OAS3: variants seen among roughly 807,000 people sequenced by gnomAD.
The protein encoded by OAS3 is 2'-5'-oligoadenylate synthetase 3.
In OAS3, 107 loss-of-function variants were observed where a neutral mutation model predicts 113.0. The ratio of observed to expected loss-of-function variants is 0.95; its 90% CI spans 0.81 to 1.11. The LOEUF is 1.11. Ranked by LOEUF, OAS3 falls within the 50% of genes most tolerant of loss-of-function variation. The pLI, the probability that OAS3 is intolerant of heterozygous loss-of-function variation, is 0.00. For synonymous variants in OAS3, 552 were observed against 573.6 expected, an observed-to-expected ratio of 0.96 and a Z score of 0.54; for missense variants, 1,258 against 1,389.1, an observed-to-expected ratio of 0.91 and a Z score of 1.50.
At chr12:112,940,852 A>T (rs2136342329) in intron 1 of OAS3, among the ~76,000 whole-genome samples, 1 of 152,132 alleles carries the variant, frequency 6.6e-6, no homozygotes, top group South Asian at 2.1e-4. Context: ...AAAATACAAA[A>T]ATTAGCCAGG....
chr12:112,950,447 C>G, intron 6 of OAS3: 1 of 535,732 alleles, frequency 1.9e-6, no homozygotes, highest in Non-Finnish European at 3.3e-6. Context: ...TCTGTTGCTG[C>G]AGTTTGGTCT....
At chr12:112,957,836 G>A (rs1006445916) in intron 7 of OAS3, among the ~76,000 whole-genome samples, 4 of 152,172 alleles carry the variant, frequency 2.6e-5, no homozygotes, top group Non-Finnish European at 5.9e-5. Flanking sequence ...TTCTCGAGGA[G>A]TATCTTTGTG....
intron 7 of OAS3, among the ~76,000 whole-genome samples, chr12:112,959,080 A>G (rs540704508): frequency 5.9e-5 from 9 of 152,298 alleles, no homozygotes; most frequent in African/African-American, 2.2e-4. Context: ...TCTGCCTTGC[A>G]GTTCAATCTC....
rs1250039158 is a variant in OAS3, at chr12:112,949,010, G to A, written c.1179G>A (p.Gly393=). The change falls in exon 6 of 16, where the codon GGG becomes GGA. Residue 393 remains glycine, a synonymous_variant. Transcript: ENST00000228928. ...CATGCCCAGCTCCTGGCCCCACTGGGGCAGCCAGCATCGTCCCCTCTGTGC... is the reference window on the plus strand; with the variant it reads ...CATGCCCAGCTCCTGGCCCCACTGGAGCAGCCAGCATCGTCCCCTCTGTGC... The part of the protein sequence containing the change: ...PPSCPAPGPT[G]AASIVPSVPG... 1 of 1,613,996 alleles carries A rather than the reference G, an allele frequency of 6.2e-7. No individual in the cohort carries two copies. Among genetic ancestry groups the A allele is most frequent in the South Asian group, 1.1e-5 (1 of 91,078 alleles).
In OAS3 at chr12:112,964,375, G is replaced by C. The variant is rs772934048; in HGVS notation, c.2370G>C (p.Arg790=). ...ICSFLKENCF[R]NSPIKVIKVV... ...CATTTTTGAAGGAAAACTGCTTCCG[G>C]AATTCTCCCATCAAAGTGATCAAGG... The change falls in exon 11 of 16, where the codon CGG becomes CGC. Residue 790 remains arginine (R), a synonymous_variant. Coordinates refer to ENST00000228928, the MANE Select transcript of OAS3 (RefSeq NM_006187.4). The C allele has an allele frequency of 3.7e-5, 59 of 1,612,410 alleles. No individual in the cohort carries two copies. The South Asian group carries it at 6.4e-4, about 18-fold the overall frequency.
intron 3 of OAS3, chr12:112,944,892 T>C: frequency 1.9e-6 from 1 of 536,760 alleles, no homozygotes; most frequent in Non-Finnish European, 3.3e-6. Flanking sequence ...CTTCCAATAG[T>C]CTTCCAGTCT....
In OAS3 at chr12:112,946,978, C is replaced by G. The variant is rs1367063173; in HGVS notation, c.872C>G (p.Pro291Arg). Residue 291 changes from proline to arginine, a missense_variant, in exon 4 of 16, where the codon CCC becomes CGC. Coordinates refer to ENST00000228928, the MANE Select transcript of OAS3 (RefSeq NM_006187.4). The part of the protein sequence containing the change: ...GQFLQRQLKR[P>R]RPVILDPADP... ...TTCTTGCAGCGGCAGCTTAAGAGAC[C>G]CAGGTACTTCCTAATAGCCCACCAT... is the stretch of plus-strand genomic sequence containing the variant. 6.2e-7 allele frequency: 1 copy of G among 1,612,964 alleles called. No homozygotes were observed. The highest frequency in any genetic ancestry group is 2.2e-5 in the East Asian group (1 of 44,880).
At position 112,968,116 on chromosome 12, in the gene OAS3, T is replaced by C. The variant is rs761459939; in HGVS notation, c.3046T>C (p.Tyr1016His). The change falls in exon 14 of 16, where the codon TAC becomes CAC. Residue 1016 changes from tyrosine (Y) to histidine (H), a missense_variant. Physicochemically the swap from Tyr to His is moderately conservative, Grantham distance 83. Coordinates refer to ENST00000228928, the MANE Select transcript of OAS3 (RefSeq NM_006187.4). ...RQLCIYWTIN[Y>H]NAKDKTVGDF... ...GCTCTGTATCTACTGGACCATCAAC[T>C]ACAACGCCAAGGACAAGACTGTTGG... The C allele has an allele frequency of 6.2e-7, 1 of 1,613,918 alleles. No individual in the cohort carries two copies. The highest frequency in any genetic ancestry group is 8.5e-7 in the Non-Finnish European group (1 of 1,179,864).
rs1490863409 is a variant in OAS3 at position 112,972,017 on chromosome 12, G to A, written c.*2044G>A. 6.6e-6 allele frequency: 1 copy of A among 152,252 alleles called. No individual in the cohort carries two copies. Among genetic ancestry groups the A allele is most frequent in the African/African-American group, 2.4e-5 (1 of 41,458 alleles). 9.4% of individuals were successfully genotyped at this position (152,252 alleles called of 1,614,324 possible). A position where few individuals can be genotyped will look rare whatever the true frequency, so the allele number is the denominator to read the frequency against. On this transcript the variant is annotated 3_prime_UTR_variant, in exon 16 of 16. Transcript: ENST00000228928. ...CCACACACATATCCAAGAGCTCAGG[G>A]CCAGTTCTGGTGGGCAGCAGAGACC...
chr12:112,959,186 C>A lies in OAS3; in HGVS notation c.1658-1885C>A, dbSNP rs559697132. Among the ~76,000 whole-genome samples, 40 of 152,302 alleles carry A rather than the reference C, an allele frequency of 2.6e-4. No individual in the cohort carries two copies. The East Asian group carries it at 6.0e-3, about 23-fold the overall frequency. The stretch of plus-strand genomic sequence containing the variant: ...CTCCTGGTGTGCCGTTTGCTAAGAC[C>A]ATTGGAAAAGCACAGTATTAGGGTG... On this transcript the variant is annotated intron_variant, in intron 7 of 15. Coordinates refer to ENST00000228928, the MANE Select transcript of OAS3 (RefSeq NM_006187.4).
chr12:112,947,990 A>T lies in OAS3; in HGVS notation c.920A>T (p.Asn307Ile). 6.2e-7 allele frequency: 1 copy of T among 1,604,286 alleles called. No individual in the cohort carries two copies. The highest frequency in any genetic ancestry group is 8.5e-7 in the Non-Finnish European group (1 of 1,175,594). ...GCTGACCCCACATGGGACCTGGGGA[A>T]TGGGGCAGCCTGGCACTGGGATTTG... ...DPADPTWDLG[N>I]GAAWHWDLLA... The change falls in exon 5 of 16, where the codon AAT becomes ATT. Residue 307 changes from asparagine to isoleucine, a missense_variant. By Grantham distance (149) the Asn-to-Ile change is moderately radical. Coordinates refer to ENST00000228928, the MANE Select transcript of OAS3 (RefSeq NM_006187.4).
chr12:112,966,099 G>C, intron 12 of OAS3, 70 bp downstream of exon 12: 1 of 1,516,054 alleles, frequency 6.6e-7, no homozygotes. Context: ...AGTTGTAGAG[G>C]TTGCACAGTA....
chr12:112,952,619 T>C (rs1406398437), intron 7 of OAS3, among the ~76,000 whole-genome samples: 1 of 152,204 alleles, frequency 6.6e-6, no homozygotes. Context: ...TGATTTCCTG[T>C]TCTTCCTTCT....
chr12:112,949,311 G>A (rs1032895969), intron 6 of OAS3, 106 bp downstream of exon 6: 36 of 853,206 alleles, frequency 4.2e-5, no homozygotes, highest in East Asian at 7.7e-5. Context: ...GGAACTGGAC[G>A]GCCCAGGAAG....
intron 14 of OAS3, 41 bp from the exon 15 acceptor site, chr12:112,969,567 A>T: frequency 6.4e-7 from 1 of 1,573,812 alleles, no homozygotes; most frequent in Non-Finnish European, 8.6e-7. Context: ...GGACACCTAG[A>T]TGTTGCCAGG....
chr12:112,966,024 C>T lies in OAS3; in HGVS notation c.2684C>T (p.Ala895Val), dbSNP rs369662098. ...TTTGATGTGCTGCCAGCCTTTGACG[C>T]CCTAGGTGAGGTGCCCTGGCGTAGA... ...VDFDVLPAFD[A>V]LGQLVSGSRP... Residue 895 changes from alanine to valine, a missense_variant, in exon 12 of 16, where the codon GCC becomes GTC. Ala to Val is a moderately conservative substitution (Grantham distance 64). Transcript: ENST00000228928. 1.2e-6 allele frequency: 2 copies of T among 1,613,748 alleles called. No homozygotes were observed. Among genetic ancestry groups the T allele is most frequent in the Non-Finnish European group, 1.7e-6 (2 of 1,179,760 alleles).
At position 112,971,121 on chromosome 12, in the gene OAS3, C is replaced by A; in HGVS notation, c.*1148C>A. On this transcript the variant is annotated 3_prime_UTR_variant, in exon 16 of 16. Transcript: ENST00000228928. ...CAGAAAGCACTCTAGGAATCTTAGG[C>A]AGAAAGGGATTTTATCTAAATCACT... 6.6e-6 allele frequency: 1 copy of A among 152,542 alleles called. No individual in the cohort carries two copies. The highest frequency in any genetic ancestry group is 1.5e-5 in the Non-Finnish European group (1 of 68,240). 9.4% of individuals were successfully genotyped at this position (152,542 alleles called of 1,614,324 possible).
Position 112,956,494 on chromosome 12 carries a change from A to G in OAS3, c.1658-4577A>G, listed in dbSNP as rs189740995. 2.6e-3 allele frequency among the ~76,000 whole-genome samples: 396 copies of G among 152,278 alleles called. 1 individual carries two copies. Among genetic ancestry groups the G allele is most frequent in the African/African-American group, 8.9e-3 (369 of 41,554 alleles). On this transcript the variant is annotated intron_variant, in intron 7 of 15. Transcript: ENST00000228928. ...CATTTAATGCTATAAATTTCCCTCT[A>G]CACACTGCTTTAAATGTGTCCCAGA...
intron 12 of OAS3, among the ~76,000 whole-genome samples, chr12:112,966,664 C>T (rs2043936732): frequency 6.6e-6 from 1 of 152,026 alleles, no homozygotes; most frequent in Non-Finnish European, 1.5e-5. Context: ...TTTTAAGAGA[C>T]AGGGTCTTAC....
Sources: gnomAD v4.1 joint callset for allele counts (sites outside exome capture counted in the v4.1 genomes callset) on GRCh38, gnomAD v4.1.1 for gene constraint, MANE v1.5 for transcripts, NCBI Gene and HGNC (gene_info 2026-07-23, HGNC 2026-07-21) for gene names.